LRRIQ3: variants seen among roughly 807,000 people sequenced by gnomAD.
LRRIQ3 encodes leucine rich repeats and IQ motif containing 3, also known as leucine-rich repeat and IQ domain-containing protein 3.
A neutral mutation model predicts 59.3 loss-of-function variants in LRRIQ3; 75 were observed. That is an observed-to-expected ratio of 1.26 (90% CI 1.05 to 1.53). The LOEUF (loss-of-function observed/expected upper bound fraction) is 1.53, where lower values mean the gene tolerates loss of function less well. Ranked by LOEUF, LRRIQ3 falls within the 40% of genes most tolerant of loss-of-function variation. The probability of loss-of-function intolerance (pLI) is 0.00; values close to 1 mark genes in which losing one functional copy is unlikely to be tolerated. For missense variants in LRRIQ3, 831 were observed against 710.0 expected, an observed-to-expected ratio of 1.17 and a Z score of -1.94; for synonymous variants, 250 against 231.3, an observed-to-expected ratio of 1.08 and a Z score of -0.73.
chr1:74,190,050 C>T (rs1233020773), intron 1 of LRRIQ3, among the ~76,000 whole-genome samples: 2 of 152,092 alleles, frequency 1.3e-5, no homozygotes, highest in African/African-American at 4.8e-5. Context: ...ATCCTAACAA[C>T]ACATTAGAAA....
chr1:74,166,777 C>T (rs1363015564), intron 3 of LRRIQ3, among the ~76,000 whole-genome samples: 1 of 151,538 alleles, frequency 6.6e-6, no homozygotes, highest in Non-Finnish European at 1.5e-5. Context: ...ACACCATCCT[C>T]TTTTGGGCTA....
In LRRIQ3 at chr1:74,084,621, C is replaced by T. The variant is rs919791357; in HGVS notation, c.868-9831G>A. Among the ~76,000 whole-genome samples the T allele has an allele frequency of 1.3e-5, 2 of 151,560 alleles. 1 individual carries two copies. Among genetic ancestry groups the T allele is most frequent in the Admixed American group, 1.3e-4 (2 of 15,166 alleles). On this transcript the variant is annotated intron_variant, in intron 5 of 7. Coordinates refer to ENST00000354431, the MANE Select transcript of LRRIQ3 (RefSeq NM_001105659.2). ...CTTATGTAAAACTCCAATGCTGTCT[C>T]TCTAGTAGTATTATCAAGATAATAC...
At chr1:74,084,198 C>T (rs1183063351) in intron 5 of LRRIQ3, 5 of 1,546,810 alleles carry the variant, frequency 3.2e-6, no homozygotes, top group Admixed American at 3.9e-5. Flanking sequence ...TGAAAATTGA[C>T]CCATAATTTT....
At chr1:74,131,292 A>T (rs1242789172) in intron 4 of LRRIQ3, among the ~76,000 whole-genome samples, 1 of 152,166 alleles carries the variant, frequency 6.6e-6, no homozygotes, top group Admixed American at 6.6e-5. Context: ...ATTCTACTAG[A>T]CGTACAAGGA....
chr1:74,077,452 A>G (rs1646222154), intron 5 of LRRIQ3, among the ~76,000 whole-genome samples: 1 of 151,678 alleles, frequency 6.6e-6, no homozygotes, highest in African/African-American at 2.4e-5. Flanking sequence ...AAAAAACAAG[A>G]ACCCCCCCCA....
chr1:74,171,986 T>C (rs1415136364), intron 3 of LRRIQ3, among the ~76,000 whole-genome samples: 1 of 152,192 alleles, frequency 6.6e-6, no homozygotes, highest in African/African-American at 2.4e-5. Flanking sequence ...CTTTCATTTC[T>C]GAGTTTAAGT....
intron 4 of LRRIQ3, 40 bp downstream of exon 4, chr1:74,155,693 C>T: frequency 6.6e-7 from 1 of 1,510,760 alleles, no homozygotes; most frequent in Non-Finnish European, 8.9e-7. Flanking sequence ...TCTTCACCTT[C>T]TTATTTCAAT....
intron 4 of LRRIQ3, among the ~76,000 whole-genome samples, chr1:74,148,759 C>T (rs1366400541): frequency 1.3e-5 from 2 of 152,134 alleles, no homozygotes; most frequent in African/African-American, 4.8e-5. Context: ...ATTTGTCCTG[C>T]AACATAACAT....
rs1241889447 is a variant in LRRIQ3, at chr1:74,180,536, T to C, written c.573+2002A>G. ...ACCAAAAGTCTTTAAGTGCTGCCAT[T>C]TCTGTTAAATAAGTTCTTTTCTGTC... On this transcript the variant is annotated intron_variant, in intron 3 of 7. Coordinates refer to ENST00000354431, the MANE Select transcript of LRRIQ3 (RefSeq NM_001105659.2). 5 of 526,250 alleles carry C rather than the reference T, an allele frequency of 9.5e-6. No homozygotes were observed. In the African/African-American group the frequency reaches 9.8e-5, roughly 10 times the overall value. 32.6% of individuals were successfully genotyped at this position (526,250 alleles called of 1,614,324 possible).
chr1:74,053,976 T>C (rs1654448331), intron 6 of LRRIQ3, among the ~76,000 whole-genome samples: 1 of 152,200 alleles, frequency 6.6e-6, no homozygotes, highest in East Asian at 1.9e-4. Context: ...ACTAAAGATA[T>C]TCTCACTGTA....
chr1:74,030,448 A>G (rs1176746930), intron 7 of LRRIQ3, among the ~76,000 whole-genome samples: 2 of 152,178 alleles, frequency 1.3e-5, no homozygotes, highest in African/African-American at 4.8e-5. Flanking sequence ...GCCCTCAGAA[A>G]TAATACCACA....
At chr1:74,141,648 G>T (rs918007438) in intron 4 of LRRIQ3, among the ~76,000 whole-genome samples, 1 of 151,664 alleles carries the variant, frequency 6.6e-6, no homozygotes, top group African/African-American at 2.4e-5. Context: ...TTCTAAATAT[G>T]TATTAGATAC....
At chr1:74,094,202 C>CT (rs2100523097) in intron 5 of LRRIQ3, among the ~76,000 whole-genome samples, 1 of 152,148 alleles carries the variant, frequency 6.6e-6, no homozygotes, top group East Asian at 1.9e-4. Flanking sequence ...TCTTTAGAGT[C>CT]CCCATCTCCA....
chr1:74,060,165 G>A (rs540744020), intron 6 of LRRIQ3, among the ~76,000 whole-genome samples: 24 of 150,294 alleles, frequency 1.6e-4, no homozygotes, highest in Non-Finnish European at 2.1e-4. Context: ...CTTCTTCTTC[G>A]TCGTCATCTT....
intron 4 of LRRIQ3, among the ~76,000 whole-genome samples, chr1:74,126,076 C>T (rs1185198574): frequency 6.6e-6 from 1 of 151,762 alleles, no homozygotes; most frequent in East Asian, 1.9e-4. Context: ...ACGGTTCAAT[C>T]TTAGTAAGTT....
intron 3 of LRRIQ3, among the ~76,000 whole-genome samples, chr1:74,158,677 G>C (rs545208682): frequency 6.6e-6 from 1 of 152,194 alleles, no homozygotes; most frequent in Admixed American, 6.5e-5. Context: ...AACAGTGAAA[G>C]TTAAGAAATC....
intron 6 of LRRIQ3, among the ~76,000 whole-genome samples, chr1:74,056,955 C>G (rs895064250): frequency 6.6e-6 from 1 of 152,090 alleles, no homozygotes; most frequent in South Asian, 2.1e-4. Flanking sequence ...GGCAGTTTCC[C>G]CTGCACTCAC....
At chr1:74,150,931 T>A (rs1369212845) in intron 4 of LRRIQ3, among the ~76,000 whole-genome samples, 2 of 151,422 alleles carry the variant, frequency 1.3e-5, no homozygotes, top group African/African-American at 2.4e-5. Flanking sequence ...AAGAAATAAA[T>A]ATTTATTTAA....
At chr1:74,120,108 T>G (rs1450230549) in intron 4 of LRRIQ3, among the ~76,000 whole-genome samples, 1 of 151,802 alleles carries the variant, frequency 6.6e-6, no homozygotes, top group African/African-American at 2.4e-5. Context: ...CATAGGATAT[T>G]TATTTTTTGT....
Sources: allele counts gnomAD v4.1 joint callset (sites outside exome capture counted in the v4.1 genomes callset), GRCh38; gene constraint gnomAD v4.1.1; transcripts MANE v1.5; gene names NCBI Gene and HGNC (gene_info 2026-07-23, HGNC 2026-07-21).